RHCE: variants seen among roughly 807,000 people sequenced by gnomAD.
The protein encoded by RHCE is Rh blood group CcEe antigens.
Under a neutral mutation model 43.8 loss-of-function variants are expected in RHCE, and 22 were observed. The observed-to-expected ratio is 0.50, with a 90% CI of 0.36 to 0.72. The LOEUF (loss-of-function observed/expected upper bound fraction) is 0.72, where lower values mean the gene tolerates loss of function less well. RHCE is among the 30% of genes least tolerant of loss of function. The pLI, the probability that RHCE is intolerant of heterozygous loss-of-function variation, is 0.00. For missense variants in RHCE, 385 were observed against 525.4 expected, an observed-to-expected ratio of 0.73 and a Z score of 2.61; for synonymous variants, 156 against 210.7, an observed-to-expected ratio of 0.74 and a Z score of 2.25.
At chr1:25,422,557 AC>A (rs1450324823), upstream of RHCE, among the ~76,000 whole-genome samples, 2 of 152,222 alleles carry the variant, frequency 1.3e-5, no homozygotes, top group Non-Finnish European at 1.5e-5. Context: ...TGGGATGGGT[AC>A]TATTAAGCTT....
At chr1:25,403,047 G>A (rs1450369821) in intron 2 of RHCE, among the ~76,000 whole-genome samples, 2 of 151,308 alleles carry the variant, frequency 1.3e-5, no homozygotes, top group Non-Finnish European at 3.0e-5. Context: ...GAGGGTGATC[G>A]GGGTGACTGT....
chr1:25,384,524 A>G (rs1465037010), intron 7 of RHCE, among the ~76,000 whole-genome samples: 1 of 152,102 alleles, frequency 6.6e-6, no homozygotes, highest in Non-Finnish European at 1.5e-5. Context: ...AGAATTGCAC[A>G]GTTATTAAGA....
chr1:25,397,754 T>C (rs1646599964), intron 3 of RHCE, among the ~76,000 whole-genome samples: 2 of 150,192 alleles, frequency 1.3e-5, no homozygotes, highest in South Asian at 2.1e-4. Context: ...TCTCTTTCCC[T>C]GCGTTACACT....
At chr1:25,390,067 C>T (rs1646308255) in intron 5 of RHCE, among the ~76,000 whole-genome samples, 1 of 152,026 alleles carries the variant, frequency 6.6e-6, no homozygotes, top group Non-Finnish European at 1.5e-5. Context: ...AGCCCCACCA[C>T]TGGTCTGTCC....
At chr1:25,412,715 T>A (rs2982334) in intron 1 of RHCE, among the ~76,000 whole-genome samples, 70,910 of 117,360 alleles carry the variant, frequency 0.6, 20,036 homozygotes, top group African/African-American at 0.69. Context: ...ACCCTTTTTT[T>A]AAAAAAAAAA....
At chr1:25,369,981 G>A (rs902135702) in intron 9 of RHCE, among the ~76,000 whole-genome samples, 3 of 151,146 alleles carry the variant, frequency 2.0e-5, no homozygotes, top group South Asian at 2.1e-4. Flanking sequence ...TCAGGTGATC[G>A]CCCCACCTCA....
intron 1 of RHCE, among the ~76,000 whole-genome samples, chr1:25,415,180 A>C (rs1392952282): frequency 6.6e-6 from 1 of 151,966 alleles, no homozygotes; most frequent in Non-Finnish European, 1.5e-5. Context: ...TTATCTCCTA[A>C]ATATCTCTAG....
intron 8 of RHCE, among the ~76,000 whole-genome samples, chr1:25,373,284 C>A (rs1243585141): frequency 6.6e-6 from 1 of 151,618 alleles, no homozygotes; most frequent in Non-Finnish European, 1.5e-5. Flanking sequence ...TTCGAATATA[C>A]CAGTGATAAC....
chr1:25,410,653 G>T (rs997805826), intron 1 of RHCE, among the ~76,000 whole-genome samples: 1 of 151,888 alleles, frequency 6.6e-6, no homozygotes. Context: ...ACCCACCTCC[G>T]TCTCCCAAAG....
intron 1 of RHCE, among the ~76,000 whole-genome samples, chr1:25,413,145 G>C (rs1354009546): frequency 1.3e-5 from 2 of 150,828 alleles, no homozygotes; most frequent in Non-Finnish European, 1.5e-5. Flanking sequence ...TCCTCCCCAA[G>C]GCTCTACACT....
At chr1:25,417,210 C>A (rs984558635) in intron 1 of RHCE, among the ~76,000 whole-genome samples, 2 of 151,164 alleles carry the variant, frequency 1.3e-5, no homozygotes, top group African/African-American at 4.9e-5. Context: ...CCTTGTATAT[C>A]GTAAGATATT....
chr1:25,413,738 A>G (rs1317953010), intron 1 of RHCE, among the ~76,000 whole-genome samples: 2 of 152,016 alleles, frequency 1.3e-5, no homozygotes, highest in African/African-American at 2.4e-5. Context: ...CTCAGGTAGG[A>G]GGTACGATTT....
chr1:25,396,091 C>T (rs917937317), intron 3 of RHCE, among the ~76,000 whole-genome samples: 60 of 151,476 alleles, frequency 4.0e-4, no homozygotes, highest in African/African-American at 1.4e-3. Context: ...AGGGCACACA[C>T]GGCTCTTGGA....
chr1:25,362,298 G>C lies in RHCE; in HGVS notation c.*229C>G. Reference sequence around the variant, plus strand: ...ATGTGTCTGTAACCAAGAAAATATTGATAGCATCATCCTAATGAAACTAAA... The same window carrying C: ...ATGTGTCTGTAACCAAGAAAATATTCATAGCATCATCCTAATGAAACTAAA... On this transcript the variant is annotated 3_prime_UTR_variant, in exon 10 of 10. Coordinates refer to ENST00000294413, the MANE Select transcript of RHCE (RefSeq NM_020485.8). 1.1e-6 allele frequency: 1 copy of C among 940,910 alleles called. No homozygotes were observed. Among genetic ancestry groups the C allele is most frequent in the African/African-American group, 1.7e-5 (1 of 59,800 alleles). The allele number at this position is 940,910 out of a possible 1,614,324, so 58.3% of individuals were successfully genotyped here. A position where few individuals can be genotyped will look rare whatever the true frequency, so the allele number is the denominator to read the frequency against.
chr1:25,408,710 G>T lies in RHCE; in HGVS notation c.308C>A (p.Pro103His), dbSNP rs747882675. The T allele has an allele frequency of 7.8e-7, 1 of 1,282,550 alleles. No homozygotes were observed. The highest frequency in any genetic ancestry group is 1.4e-5 in the African/African-American group (1 of 72,538). The allele number at this position is 1,282,550 out of a possible 1,614,324, so 79.4% of individuals were successfully genotyped here. The change falls in exon 2 of 10, where the codon CCT becomes CAT. Residue 103 changes from proline to histidine, a missense_variant. Around this residue, in one of 6 missense-constraint regions of RHCE, gnomAD observed 110 missense variants for 192.1 expected, o/e 0.57. Transcript: ENST00000294413. ...LLDGFLSQFP[P>H]GKVVITLFSI... is the part of the protein sequence containing the mutation. ...GAACAGTGTGATGACCACCTTCCCA[G>T]GAGGGAACTGGCTCAGGAAGCCGTC...
Position 25,381,419 on chromosome 1 carries a change from T to C in RHCE, c.1073+4292A>G, listed in dbSNP as rs560888299. On this transcript the variant is annotated intron_variant, in intron 7 of 9. Coordinates refer to ENST00000294413, the MANE Select transcript of RHCE (RefSeq NM_020485.8). ...TCTTCTTTTAAGCCCTCACCAGAAC[T>C]GTAGAACTGTCTTTAATGCTCCATT... Among the ~76,000 whole-genome samples the C allele has an allele frequency of 3.2e-4, 49 of 152,200 alleles. No homozygotes were observed. The South Asian group carries it at 1.0e-2, about 31-fold the overall frequency.
chr1:25,427,829 G>A (rs550227565), intron 2 of RHCE, among the ~76,000 whole-genome samples: 1 of 152,346 alleles, frequency 6.6e-6, no homozygotes, highest in East Asian at 1.9e-4. Flanking sequence ...AATGGAGCTA[G>A]CACAATCTGC....
At chr1:25,407,710 GC>G (rs1420367527) in intron 2 of RHCE, among the ~76,000 whole-genome samples, 2 of 123,540 alleles carry the variant, frequency 1.6e-5, no homozygotes, top group Non-Finnish European at 3.7e-5. Flanking sequence ...AAGTGCCAAT[GC>G]CCTTTTAAAA....
At chr1:25,398,033 G>T (rs142449992) in intron 3 of RHCE, among the ~76,000 whole-genome samples, 8,067 of 134,474 alleles carry the variant, frequency 0.06, 821 homozygotes, top group African/African-American at 0.19. Flanking sequence ...CAAGTGTTCG[G>T]TCACTTGTTC....
Sources: allele counts gnomAD v4.1 joint callset (sites outside exome capture counted in the v4.1 genomes callset), GRCh38; gene constraint gnomAD v4.1.1; regional missense constraint gnomAD v4.1.1; transcripts MANE v1.5; gene names NCBI Gene and HGNC (gene_info 2026-07-23, HGNC 2026-07-21).